FCHSD2: variants seen among roughly 807,000 people sequenced by gnomAD.
The protein encoded by FCHSD2 is F-BAR and double SH3 domains protein 2.
A neutral mutation model predicts 108.1 loss-of-function variants in FCHSD2; 38 were observed. That is an observed-to-expected ratio of 0.35 (90% CI 0.27 to 0.46). FCHSD2 has a LOEUF of 0.46. Ranked by LOEUF, FCHSD2 falls within the 20% of genes least tolerant of loss-of-function variation. The probability of loss-of-function intolerance (pLI) is 1.00; values close to 1 mark genes in which losing one functional copy is unlikely to be tolerated. For missense variants in FCHSD2, 751 were observed against 897.8 expected (o/e 0.84, Z 2.09); for synonymous variants, 279 against 314.7 (o/e 0.89, Z 1.20).
chr11:73,050,362 A>C (rs1858869622), intron 3 of FCHSD2, among the ~76,000 whole-genome samples: 1 of 152,220 alleles, frequency 6.6e-6, no homozygotes. Flanking sequence ...TAAGTGAAAA[A>C]GACGTATTTA....
chr11:72,994,955 A>G (rs1183157791), intron 5 of FCHSD2, among the ~76,000 whole-genome samples: 3 of 152,136 alleles, frequency 2.0e-5, no homozygotes, highest in Non-Finnish European at 4.4e-5. Context: ...TCCTACCCCA[A>G]AAAGAAACTC....
chr11:72,841,363 A>C, intron 18 of FCHSD2, 91 bp downstream of exon 18: 5 of 1,081,794 alleles, frequency 4.6e-6, no homozygotes, highest in Non-Finnish European at 5.2e-6. Flanking sequence ...AAAAAAAAAA[A>C]AGCAAATGCA....
intron 3 of FCHSD2, among the ~76,000 whole-genome samples, chr11:73,040,246 C>A (rs576065710): frequency 2.5e-4 from 38 of 152,292 alleles, no homozygotes; most frequent in African/African-American, 7.7e-4. Flanking sequence ...CAACCCAGCT[C>A]TTTTCCCAGG....
chr11:73,072,908 A>G (rs76276314), intron 3 of FCHSD2, among the ~76,000 whole-genome samples: 3,336 of 152,284 alleles, frequency 0.022, 80 homozygotes, highest in African/African-American at 0.059. Context: ...AATAGCAAAA[A>G]ATTTTAGGTG....
rs1239777017 is a variant in FCHSD2 at position 72,984,151 on chromosome 11, G to A, written c.642C>T (p.Thr214=). The A allele has an allele frequency of 1.9e-6, 3 of 1,613,372 alleles. No individual in the cohort carries two copies. Among genetic ancestry groups the A allele is most frequent in the Non-Finnish European group, 2.5e-6 (3 of 1,179,400 alleles). ...CCTGATGTGCATTTGCTGCCGCTAG[G>A]GTAAGAAGATAATCATTCCTTGCGT... ...ATHARNDYLL[T]LAAANAHQDR... Residue 214 remains threonine (T), a synonymous_variant, in exon 8 of 20, where the codon ACC becomes ACT. Transcript: ENST00000409418.
chr11:73,041,929 T>C (rs1003172569), intron 3 of FCHSD2, among the ~76,000 whole-genome samples: 2 of 152,074 alleles, frequency 1.3e-5, no homozygotes, highest in African/African-American at 4.8e-5. Flanking sequence ...AGATTATTAT[T>C]ATTTATTTAT....
chr11:73,139,142 T>G (rs1361830378), intron 2 of FCHSD2, among the ~76,000 whole-genome samples: 1 of 152,220 alleles, frequency 6.6e-6, no homozygotes, highest in Non-Finnish European at 1.5e-5. Context: ...GAAACTAAAA[T>G]CTTTGGGCTA....
At chr11:73,015,627 T>C (rs1857954786) in intron 4 of FCHSD2, among the ~76,000 whole-genome samples, 182 bp downstream of exon 4, 1 of 152,170 alleles carries the variant, frequency 6.6e-6, no homozygotes, top group Non-Finnish European at 1.5e-5. Context: ...TAGATTACAA[T>C]CTATTTTAGA....
chr11:73,091,365 C>T (rs1859952884), intron 2 of FCHSD2, among the ~76,000 whole-genome samples: 1 of 151,852 alleles, frequency 6.6e-6, no homozygotes, highest in South Asian at 2.1e-4. Flanking sequence ...ATGGTGAAAC[C>T]CCATCTCTAC....
intron 2 of FCHSD2, among the ~76,000 whole-genome samples, chr11:73,139,227 A>G (rs1861190653): frequency 6.6e-6 from 1 of 152,236 alleles, no homozygotes; most frequent in Admixed American, 6.5e-5. Flanking sequence ...ACACGAAGTT[A>G]GTGTACCACC....
chr11:73,105,665 A>C lies in FCHSD2; in HGVS notation c.120-21925T>G, dbSNP rs144150140. ...CTTTGAAAAACATAAAGAACTCAAT[A>C]AATATTTATTATTAGGCTACAAATA... On this transcript the variant is annotated intron_variant, in intron 2 of 19. Coordinates refer to ENST00000409418, the MANE Select transcript of FCHSD2 (RefSeq NM_014824.3). Among the ~76,000 whole-genome samples, 908 of 152,338 alleles carry C rather than the reference A, an allele frequency of 6.0e-3. 4 individuals are homozygous for C. Among genetic ancestry groups the C allele is most frequent in the Admixed American group, 0.012 (178 of 15,308 alleles).
chr11:72,913,466 G>A (rs747177420), intron 9 of FCHSD2, among the ~76,000 whole-genome samples: 6 of 151,922 alleles, frequency 3.9e-5, no homozygotes, highest in African/African-American at 1.2e-4. Context: ...ACAGGGTTTC[G>A]CCATGTTGGC....
At chr11:72,913,824 CAAAAAAAAAACAA>C (rs1565320068) in intron 9 of FCHSD2, among the ~76,000 whole-genome samples, 1 of 47,686 alleles carries the variant, frequency 2.1e-5, no homozygotes, top group Non-Finnish European at 5.0e-5. Flanking sequence ...AAAAAAAACC[CAAAAAAAAAACAA>C]AAAAAAAAAC....
chr11:73,067,201 G>A (rs573123412), intron 3 of FCHSD2, among the ~76,000 whole-genome samples: 101 of 152,234 alleles, frequency 6.6e-4, no homozygotes, highest in Non-Finnish European at 1.2e-3. Flanking sequence ...GGATGAAGCT[G>A]GAAACCATCA....
At chr11:72,890,095 C>T (rs960111551) in intron 10 of FCHSD2, 150 bp from the exon 11 acceptor site, 9 of 590,824 alleles carry the variant, frequency 1.5e-5, no homozygotes, top group Non-Finnish European at 2.4e-5. Context: ...CTTAACGTCA[C>T]AGAAAGTTAC....
chr11:72,889,991 T>C (rs545507178), intron 10 of FCHSD2, 46 bp from the exon 11 acceptor site: 1 of 1,190,742 alleles, frequency 8.4e-7, no homozygotes, highest in South Asian at 1.3e-5. Context: ...CTATCCTTAT[T>C]GTAACCACTA....
chr11:72,991,783 G>A (rs1454886866), intron 5 of FCHSD2, among the ~76,000 whole-genome samples: 3 of 152,124 alleles, frequency 2.0e-5, no homozygotes, highest in Non-Finnish European at 4.4e-5. Context: ...AACTATCTAT[G>A]ACAAACTCAC....
intron 3 of FCHSD2, among the ~76,000 whole-genome samples, chr11:73,023,426 C>T (rs1386111849): frequency 6.6e-6 from 1 of 152,034 alleles, no homozygotes; most frequent in East Asian, 1.9e-4. Context: ...GGCAAACAAG[C>T]ATATGAAAAG....
At chr11:73,064,581 C>T (rs573874221) in intron 3 of FCHSD2, among the ~76,000 whole-genome samples, 57 of 151,794 alleles carry the variant, frequency 3.8e-4, no homozygotes, top group African/African-American at 8.7e-4. Flanking sequence ...ATCAAACAGA[C>T]GCAATAAAAA....
Sources: allele counts gnomAD v4.1 joint callset (sites outside exome capture counted in the v4.1 genomes callset), GRCh38; gene constraint gnomAD v4.1.1; transcripts MANE v1.5; gene names NCBI Gene and HGNC (gene_info 2026-07-23, HGNC 2026-07-21).